TTC5: variants seen among roughly 807,000 people sequenced by gnomAD.
TTC5 encodes tetratricopeptide repeat protein 5.
In TTC5, 46 loss-of-function variants were observed where a neutral mutation model predicts 57.4. The ratio of observed to expected loss-of-function variants is 0.80; its 90% confidence interval spans 0.63 to 1.03. The LOEUF (loss-of-function observed/expected upper bound fraction) is 1.03. Among genes scored for constraint, TTC5 ranks in the 50% least tolerant of loss-of-function variants. The pLI is 0.00. For synonymous variants in TTC5, 190 were observed against 203.5 expected (o/e 0.93, Z 0.57); for missense variants, 504 against 528.1 (o/e 0.95, Z 0.45).
chr14:20,300,500 G>A, intron 3 of TTC5, 107 bp downstream of exon 3: 1 of 965,198 alleles, frequency 1.0e-6, no homozygotes, highest in Non-Finnish European at 1.5e-6. Flanking sequence ...TTCTGTCCTA[G>A]TTCAATTTCA....
At position 20,299,647 on chromosome 14, in the gene TTC5, G is replaced by A. The variant is rs150921479; in HGVS notation, c.397-199C>T. Among the ~76,000 whole-genome samples, 1,346 of 152,166 alleles carry A rather than the reference G, an allele frequency of 8.8e-3. 20 individuals carry two copies. The highest frequency in any genetic ancestry group is 0.036 in the Admixed American group (552 of 15,276). ...CGGCTCACTGCAACCTTTGCCTCCC[G>A]AGTTAAGTCTTTCTCCTGCCTCAGC... On this transcript the variant is annotated intron_variant, in intron 3 of 9. Coordinates refer to ENST00000258821, the MANE Select transcript of TTC5 (RefSeq NM_138376.3).
intron 2 of TTC5, 80 bp downstream of exon 2, chr14:20,301,753 C>T (rs1882196560): frequency 6.4e-7 from 1 of 1,572,802 alleles, no homozygotes; most frequent in African/African-American, 1.3e-5. Flanking sequence ...GATAGGATAC[C>T]AAAGAGTCAA....
chr14:20,295,680 T>A, intron 7 of TTC5, 28 bp downstream of exon 7: 1 of 1,543,760 alleles, frequency 6.5e-7, no homozygotes, highest in Non-Finnish European at 8.7e-7. Context: ...AAAAAAAAAG[T>A]GGAATTCAGC....
At chr14:20,293,147 C>G (rs527283296) in intron 8 of TTC5, 1 of 152,220 alleles carries the variant, frequency 6.6e-6, no homozygotes, top group African/African-American at 2.4e-5. Context: ...TTGATCTCTG[C>G]AATTTACTCT....
intron 1 of TTC5, among the ~76,000 whole-genome samples, chr14:20,302,516 C>T (rs1882213795): frequency 6.6e-6 from 1 of 152,158 alleles, no homozygotes; most frequent in South Asian, 2.1e-4. Flanking sequence ...AACTTGGTAA[C>T]TTTGGTATCT....
intron 1 of TTC5, among the ~76,000 whole-genome samples, chr14:20,304,777 TA>T (rs1222715382): frequency 6.6e-6 from 1 of 152,236 alleles, no homozygotes; most frequent in Non-Finnish European, 1.5e-5. Context: ...TTTTAGTTGT[TA>T]AACCAAACAT....
intron 9 of TTC5, 39 bp from the exon 10 acceptor site, chr14:20,289,785 C>T: frequency 4.4e-6 from 7 of 1,573,062 alleles, no homozygotes; most frequent in Non-Finnish European, 6.1e-6. Flanking sequence ...CTACAGATTC[C>T]AAGATGGAAA....
At chr14:20,295,620 A>G in intron 7 of TTC5, 88 bp downstream of exon 7, 4 of 1,540,324 alleles carry the variant, frequency 2.6e-6, no homozygotes, top group Non-Finnish European at 3.5e-6. Context: ...TAGGGTCTCT[A>G]CCTCGTAAAC....
At chr14:20,291,350 G>A (rs1435481558) in intron 9 of TTC5, among the ~76,000 whole-genome samples, 1 of 152,126 alleles carries the variant, frequency 6.6e-6, no homozygotes, top group African/African-American at 2.4e-5. Context: ...GAGCCACCAT[G>A]CCCAGCCTAG....
chr14:20,305,110 A>T (rs923511746), intron 1 of TTC5, among the ~76,000 whole-genome samples: 4 of 152,234 alleles, frequency 2.6e-5, no homozygotes, highest in African/African-American at 9.6e-5. Context: ...ATCAGCTGGA[A>T]CACTCTAAAA....
At chr14:20,292,281 A>C (rs1170274856) in intron 8 of TTC5, 154 bp from the exon 9 acceptor site, 1 of 369,330 alleles carries the variant, frequency 2.7e-6, no homozygotes, top group African/African-American at 2.1e-5. Context: ...AACTTAATTA[A>C]ACTTTAAAAA....
intron 1 of TTC5, 163 bp downstream of exon 1, chr14:20,305,724 C>G: frequency 1.4e-6 from 1 of 689,898 alleles, no homozygotes; most frequent in Non-Finnish European, 2.5e-6. Context: ...CAACGAGGCT[C>G]CCTGGCTGGC....
At chr14:20,298,739 C>A in intron 5 of TTC5, 58 bp downstream of exon 5, 3 of 1,248,270 alleles carry the variant, frequency 2.4e-6, no homozygotes, top group Non-Finnish European at 3.5e-6. Flanking sequence ...GAAGACTGAA[C>A]AATGCTCTTG....
chr14:20,295,255 G>T, intron 8 of TTC5, 57 bp downstream of exon 8: 6 of 1,514,880 alleles, frequency 4.0e-6, no homozygotes, highest in Non-Finnish European at 5.5e-6. Flanking sequence ...GAAAGAACAG[G>T]AAGTGAGAGC....
At chr14:20,291,404 A>G (rs1448123769) in intron 9 of TTC5, among the ~76,000 whole-genome samples, 1 of 152,210 alleles carries the variant, frequency 6.6e-6, no homozygotes, top group Admixed American at 6.6e-5. Context: ...GATTTGGTCA[A>G]TGGGCTTTGC....
intron 3 of TTC5, 148 bp downstream of exon 3, chr14:20,300,459 G>A: frequency 1.5e-6 from 1 of 662,090 alleles, no homozygotes; most frequent in Non-Finnish European, 2.5e-6. Context: ...TCCTCATTCA[G>A]GTCTGCTCTC....
intron 5 of TTC5, among the ~76,000 whole-genome samples, chr14:20,298,477 T>C (rs1201150068): frequency 6.6e-6 from 1 of 152,214 alleles, no homozygotes; most frequent in South Asian, 2.1e-4. Context: ...ATAAGTATTA[T>C]TTTAATAGAC....
intron 1 of TTC5, among the ~76,000 whole-genome samples, chr14:20,303,097 C>A (rs1430254953): frequency 6.6e-6 from 1 of 151,142 alleles, no homozygotes; most frequent in Non-Finnish European, 1.5e-5. Context: ...GAGGCTGAGG[C>A]AGGAGAATCG....
Position 20,299,457 on chromosome 14 carries a change from AG to A in TTC5, c.397-10del. The A allele has an allele frequency of 6.2e-7, 1 of 1,613,460 alleles. No homozygotes were observed. Among genetic ancestry groups the A allele is most frequent in the Non-Finnish European group, 8.5e-7 (1 of 1,179,928 alleles). ...GAGACTTTGTTCCTGCACTGCAAAT[AG>A]GAAGGGCACATACTCAATCTTCCTG... is the stretch of plus-strand genomic sequence containing the variant. On this transcript the variant is annotated splice_polypyrimidine_tract_variant and intron_variant, in intron 3 of 9. Coordinates refer to ENST00000258821, the MANE Select transcript of TTC5 (RefSeq NM_138376.3).
Sources: gnomAD v4.1 joint callset for allele counts (sites outside exome capture counted in the v4.1 genomes callset) on GRCh38, gnomAD v4.1.1 for gene constraint, MANE v1.5 for transcripts, NCBI Gene and HGNC (gene_info 2026-07-23, HGNC 2026-07-21) for gene names.